Variants in SEH1L observed in about 807,000 individuals in gnomAD.
SEH1L encodes the protein nucleoporin SEH1.
Under a neutral mutation model 49.5 loss-of-function variants are expected in SEH1L, and 18 were observed. That is an observed-to-expected ratio of 0.36 (90% CI 0.25 to 0.54). The LOEUF (loss-of-function observed/expected upper bound fraction) is 0.54, where lower values mean the gene tolerates loss of function less well. Ranked by LOEUF, SEH1L falls within the 20% of genes least tolerant of loss-of-function variation. SEH1L has a pLI of 0.87. For synonymous variants in SEH1L, 169 were observed against 178.1 expected (o/e 0.95, Z 0.41); for missense variants, 404 against 528.8 (o/e 0.76, Z 2.31).
intron 8 of SEH1L, 129 bp from the exon 9 acceptor site, chr18:12,986,727 CTTTTTT>C (rs34381701): frequency 4.0e-6 from 4 of 1,005,840 alleles, no homozygotes; most frequent in African/African-American, 3.7e-5. Context: ...TATACTAAAG[CTTTTTT>C]TTTTTTTTCT....
At chr18:12,950,511 TTTAAG>T (rs1392186337) in intron 1 of SEH1L, among the ~76,000 whole-genome samples, 9 of 152,218 alleles carry the variant, frequency 5.9e-5, no homozygotes, top group African/African-American at 1.9e-4. Context: ...CCTTTAACGT[TTTAAG>T]TTGTCATGGT....
chr18:12,975,504 TG>T (rs1239155265), intron 5 of SEH1L, among the ~76,000 whole-genome samples: 3 of 151,516 alleles, frequency 2.0e-5, no homozygotes, highest in Admixed American at 6.6e-5. Flanking sequence ...GCATGAATCT[TG>T]AAAGACAGAG....
Position 12,967,855 on chromosome 18 carries a change from A to G in SEH1L, c.522-3298A>G, listed in dbSNP as rs1479117114. On this transcript the variant is annotated intron_variant, in intron 4 of 8. Transcript: ENST00000399892. ...CTTGAACTTCGGAGATGAAGGTTGC[A>G]GTGAGCCAAGATGATGCCACTGCAC... is the stretch of plus-strand genomic sequence containing the variant. 2.0e-5 allele frequency among the ~76,000 whole-genome samples: 3 copies of G among 152,090 alleles called. No homozygotes were observed. The East Asian group carries it at 5.8e-4, about 29-fold the overall frequency.
chr18:12,954,537 G>A (rs1273421263), intron 2 of SEH1L, among the ~76,000 whole-genome samples: 1 of 152,094 alleles, frequency 6.6e-6, no homozygotes, highest in African/African-American at 2.4e-5. Context: ...CACAATCTTG[G>A]CTTACTGCAG....
chr18:12,961,116 C>T (rs1044874893), intron 3 of SEH1L, among the ~76,000 whole-genome samples: 5 of 152,084 alleles, frequency 3.3e-5, no homozygotes, highest in African/African-American at 9.7e-5. Context: ...GTGCAGTGGC[C>T]CACTAGTGCC....
At chr18:12,979,740 C>G (rs796171550) in intron 6 of SEH1L, among the ~76,000 whole-genome samples, 4 of 140,342 alleles carry the variant, frequency 2.9e-5, no homozygotes, top group Non-Finnish European at 6.2e-5. Flanking sequence ...GCTGGCCGGG[C>G]GGGGGGCTGA....
At chr18:12,948,969 C>T (rs1053856525) in intron 1 of SEH1L, among the ~76,000 whole-genome samples, 1 of 151,520 alleles carries the variant, frequency 6.6e-6, no homozygotes, top group Non-Finnish European at 1.5e-5. Flanking sequence ...CCTGCCCCAG[C>T]CTCCCAAGTA....
At chr18:12,962,388 A>T (rs114646603) in intron 3 of SEH1L, among the ~76,000 whole-genome samples, 9,440 of 150,414 alleles carry the variant, frequency 0.063, 407 homozygotes, top group African/African-American at 0.12. Context: ...AAAAAAAAAA[A>T]AATAATAATA....
chr18:12,982,603 C>A lies in SEH1L; in HGVS notation c.847C>A (p.Arg283=), dbSNP rs1297888943. Residue 283 remains arginine (R), a synonymous_variant, in exon 7 of 9, where the codon CGA becomes AGA. Coordinates refer to ENST00000399892, the MANE Select transcript of SEH1L (RefSeq NM_001013437.2). The part of the protein sequence containing the change: ...QFDNHNSQVW[R]VSWNITGTVL... Reference sequence around the variant, plus strand: ...CGATAATCATAATTCTCAGGTCTGGCGAGTGAGTTGGAATATAACAGGAAC... The same window carrying A: ...CGATAATCATAATTCTCAGGTCTGGAGAGTGAGTTGGAATATAACAGGAAC... 1.2e-6 allele frequency: 2 copies of A among 1,613,454 alleles called. No homozygotes were observed. The highest frequency in any genetic ancestry group is 1.7e-6 in the Non-Finnish European group (2 of 1,179,644).
chr18:12,957,150 G>T (rs543183887), intron 3 of SEH1L, among the ~76,000 whole-genome samples: 3 of 151,980 alleles, frequency 2.0e-5, no homozygotes, highest in African/African-American at 7.2e-5. Context: ...GTCCTCGGCC[G>T]GGTGCGGTGG....
intron 4 of SEH1L, among the ~76,000 whole-genome samples, chr18:12,964,266 C>A (rs1209642824): frequency 1.3e-5 from 2 of 152,058 alleles, no homozygotes; most frequent in East Asian, 3.8e-4. Flanking sequence ...TTCCTTTACC[C>A]CCTAAAAACA....
intron 4 of SEH1L, among the ~76,000 whole-genome samples, chr18:12,970,694 G>A (rs903731863): frequency 6.6e-5 from 10 of 152,100 alleles, no homozygotes; most frequent in Non-Finnish European, 1.3e-4. Flanking sequence ...CAAAATGCTG[G>A]GATTACAGGC....
At chr18:12,965,282 G>T (rs981799195) in intron 4 of SEH1L, among the ~76,000 whole-genome samples, 15 of 152,124 alleles carry the variant, frequency 9.9e-5, no homozygotes, top group Admixed American at 3.3e-4. Flanking sequence ...AAACTGCTGG[G>T]ATTACAGGCA....
rs1199719976 is a variant in SEH1L at position 12,948,092 on chromosome 18, C to T, written c.-30C>T. The T allele has an allele frequency of 1.9e-6, 3 of 1,569,900 alleles. No individual in the cohort carries two copies. The highest frequency in any genetic ancestry group is 2.3e-5 in the East Asian group (1 of 44,204). On this transcript the variant is annotated 5_prime_UTR_variant, in exon 1 of 9. Coordinates refer to ENST00000399892, the MANE Select transcript of SEH1L (RefSeq NM_001013437.2). ...CGCCGCCGCTGCCGCCGCCACTGTC[C>T]TCTTCGGAGGCGCGGGCCCGACGGA...
chr18:12,961,754 C>G (rs544332468), intron 3 of SEH1L, among the ~76,000 whole-genome samples: 1 of 152,192 alleles, frequency 6.6e-6, no homozygotes, highest in South Asian at 2.1e-4. Context: ...GCAGCCTCCG[C>G]CGACCACACT....
chr18:12,963,570 A>T (rs1246762995), intron 4 of SEH1L, among the ~76,000 whole-genome samples, 199 bp downstream of exon 4: 1 of 152,208 alleles, frequency 6.6e-6, no homozygotes, highest in Non-Finnish European at 1.5e-5. Context: ...AAATATTTTC[A>T]TGTGAACCTT....
At chr18:12,952,318 C>T (rs1355036210) in intron 2 of SEH1L, among the ~76,000 whole-genome samples, 2 of 151,404 alleles carry the variant, frequency 1.3e-5, no homozygotes. Context: ...CTGCAACCTC[C>T]GCCTGTTGGG....
chr18:12,954,625 C>T (rs1030670474), intron 2 of SEH1L, among the ~76,000 whole-genome samples: 11 of 152,058 alleles, frequency 7.2e-5, no homozygotes, highest in African/African-American at 2.4e-4. Flanking sequence ...TACCACCACA[C>T]CTGACTAATT....
chr18:12,979,950 G>A (rs1206623881), intron 6 of SEH1L, among the ~76,000 whole-genome samples: 1 of 135,506 alleles, frequency 7.4e-6, no homozygotes, highest in African/African-American at 2.8e-5. Context: ...AGGGGCGGCC[G>A]GGCAGAGGTG....
Sources: allele counts gnomAD v4.1 joint callset (sites outside exome capture counted in the v4.1 genomes callset), GRCh38; gene constraint gnomAD v4.1.1; transcripts MANE v1.5; gene names NCBI Gene and HGNC (gene_info 2026-07-23, HGNC 2026-07-21).